The following DROSHA variants were observed in gnomAD, a reference collection of about 807,000 sequenced individuals.
DROSHA encodes drosha ribonuclease III, also known as ribonuclease 3.
A neutral mutation model predicts 181.9 loss-of-function variants in DROSHA; 56 were observed. The ratio of observed to expected loss-of-function variants is 0.31; its 90% CI spans 0.25 to 0.38. The LOEUF (loss-of-function observed/expected upper bound fraction) is 0.38, where lower values mean the gene tolerates loss of function less well. Among genes scored for constraint, DROSHA ranks in the 10% least tolerant of loss-of-function variants. The probability of loss-of-function intolerance (pLI) is 1.00; values close to 1 mark genes in which losing one functional copy is unlikely to be tolerated. For missense variants in DROSHA, 1,218 were observed against 1,743.5 expected (o/e 0.70, Z 5.37); for synonymous variants, 524 against 591.2 (o/e 0.89, Z 1.65).
Position 31,461,580 on chromosome 5 carries a change from C to T in DROSHA, c.2574+2656G>A, listed in dbSNP as rs74687720. Among the ~76,000 whole-genome samples the T allele has an allele frequency of 4.7e-3, 720 of 152,230 alleles. 7 individuals are homozygous for T. The highest frequency in any genetic ancestry group is 0.017 in the African/African-American group (688 of 41,546). ...TCAGTGGTTTATTTATTCCCACATT[C>T]ATAAAAACAGTTACCACTTCAAACA... On this transcript the variant is annotated intron_variant, in intron 20 of 35. Transcript: ENST00000344624.
chr5:31,526,151 T>G lies in DROSHA; in HGVS notation c.782A>C (p.Gln261Pro), dbSNP rs544823531. The change falls in exon 5 of 36, where the codon CAA (glutamine) becomes CCA (proline). Residue 261 changes from glutamine to proline, a missense_variant. Physicochemically the swap from Gln to Pro is moderately conservative, Grantham distance 76 (BLOSUM62 -1). Coordinates refer to ENST00000344624, the MANE Select transcript of DROSHA (RefSeq NM_001382508.1). The stretch of plus-strand genomic sequence containing the variant: ...ATAATCAGATCTGTACCGGCTGTCT[T>G]GTCTTCTCCTGTCGGGACTGCGGCC... ...ERGRSPDRRR[Q>P]DSRYRSDYDR... 1 of 1,613,856 alleles carries G rather than the reference T, an allele frequency of 6.2e-7. No homozygotes were observed. The highest frequency in any genetic ancestry group is 1.3e-5 in the African/African-American group (1 of 75,008).
intron 27 of DROSHA, 44 bp from the exon 28 acceptor site, chr5:31,424,515 A>G (rs995158342): frequency 7.7e-6 from 12 of 1,562,406 alleles, no homozygotes; most frequent in African/African-American, 1.4e-5. Flanking sequence ...GGAGCCATTT[A>G]ACGCACTCTA....
At chr5:31,473,578 G>T (rs1176826172) in intron 16 of DROSHA, among the ~76,000 whole-genome samples, 1 of 152,202 alleles carries the variant, frequency 6.6e-6, no homozygotes, top group African/African-American at 2.4e-5. Flanking sequence ...AGCTTCTACT[G>T]CAGTAGAAAG....
At chr5:31,515,299 C>T (rs1212283064) in intron 7 of DROSHA, 80 bp from the exon 8 acceptor site, 2 of 1,436,722 alleles carry the variant, frequency 1.4e-6, no homozygotes, top group Non-Finnish European at 1.9e-6. Flanking sequence ...CTATTTGGTG[C>T]ATTTTTCACC....
intron 23 of DROSHA, 122 bp from the exon 24 acceptor site, chr5:31,437,420 A>C: frequency 1.2e-6 from 1 of 834,612 alleles, no homozygotes; most frequent in South Asian, 1.8e-5. Context: ...CACCTTCCCT[A>C]TTCCTCATAA....
In DROSHA at chr5:31,526,306, T is replaced by G. The variant is rs758871789; in HGVS notation, c.627A>C (p.Pro209=). 2.2e-5 allele frequency: 36 copies of G among 1,613,590 alleles called. No individual in the cohort carries two copies. The highest frequency in any genetic ancestry group is 3.1e-5 in the Non-Finnish European group (36 of 1,179,842). ...SSSPHFRHLP[P]YPLPKAPSER... is the part of the protein sequence containing the mutation. ...CACTGGGAGCCTTTGGGAGTGGGTATGGAGGGAGATGTCTGAAATGAGGAC... is the reference window on the plus strand; with the variant it reads ...CACTGGGAGCCTTTGGGAGTGGGTAGGGAGGGAGATGTCTGAAATGAGGAC... Residue 209 remains proline, a synonymous_variant, in exon 5 of 36, where the codon CCA becomes CCC. Coordinates refer to ENST00000344624, the MANE Select transcript of DROSHA (RefSeq NM_001382508.1).
At chr5:31,528,481 C>T (rs956407405) in intron 4 of DROSHA, among the ~76,000 whole-genome samples, 1 of 152,048 alleles carries the variant, frequency 6.6e-6, no homozygotes, top group South Asian at 2.1e-4. Flanking sequence ...GACTTGTCCT[C>T]CCTCACCCCC....
At chr5:31,491,434 C>A (rs1405956969) in intron 13 of DROSHA, among the ~76,000 whole-genome samples, 1 of 152,142 alleles carries the variant, frequency 6.6e-6, no homozygotes, top group Non-Finnish European at 1.5e-5. Flanking sequence ...TAATTTTAAA[C>A]CCTGGTCTCT....
intron 25 of DROSHA, among the ~76,000 whole-genome samples, chr5:31,433,326 C>T (rs1421632096): frequency 6.6e-6 from 1 of 152,144 alleles, no homozygotes; most frequent in Non-Finnish European, 1.5e-5. Context: ...TCCCAAAGTG[C>T]AAGAGTTTAT....
chr5:31,525,057 G>A (rs1005553474), intron 5 of DROSHA, among the ~76,000 whole-genome samples: 4 of 151,786 alleles, frequency 2.6e-5, no homozygotes, highest in African/African-American at 4.8e-5. Flanking sequence ...TAGGCCAGGC[G>A]CAGTGGCTCA....
Position 31,504,648 on chromosome 5 carries a change from C to A in DROSHA, c.1588-13G>T. ...GTCCATCATTCATCTGTCAGAAACA[C>A]AATGTAATTCGTTTTTATTGGAGGG... is the stretch of plus-strand genomic sequence containing the variant. On this transcript the variant is annotated splice_polypyrimidine_tract_variant and intron_variant, in intron 10 of 35. Coordinates refer to ENST00000344624, the MANE Select transcript of DROSHA (RefSeq NM_001382508.1). 1.9e-6 allele frequency: 3 copies of A among 1,613,564 alleles called. No homozygotes were observed. The highest frequency in any genetic ancestry group is 2.5e-6 in the Non-Finnish European group (3 of 1,179,740).
intron 18 of DROSHA, 107 bp downstream of exon 18, chr5:31,467,832 G>T: frequency 7.1e-7 from 1 of 1,406,102 alleles, no homozygotes; most frequent in African/African-American, 1.4e-5. Context: ...GCTCATTTCA[G>T]GTCTTAATTT....
intron 8 of DROSHA, among the ~76,000 whole-genome samples, chr5:31,512,365 A>G (rs1399463993): frequency 6.6e-6 from 1 of 152,140 alleles, no homozygotes; most frequent in African/African-American, 2.4e-5. Context: ...ACTCATAACG[A>G]TGTAATAAAA....
intron 22 of DROSHA, among the ~76,000 whole-genome samples, chr5:31,448,921 TCAGGAGTTCAAGAC>T (rs1189474194): frequency 1.3e-5 from 2 of 152,064 alleles, no homozygotes; most frequent in African/African-American, 4.8e-5. Flanking sequence ...TCACTTGAGG[TCAGGAGTTCAAGAC>T]CAGCCTGGCC....
chr5:31,478,554 C>T (rs1416329412), intron 16 of DROSHA, among the ~76,000 whole-genome samples: 1 of 152,086 alleles, frequency 6.6e-6, no homozygotes, highest in African/African-American at 2.4e-5. Flanking sequence ...ACCAACATGG[C>T]AAACCCCTGT....
At chr5:31,525,390 G>A (rs1429388794) in intron 5 of DROSHA, among the ~76,000 whole-genome samples, 2 of 142,154 alleles carry the variant, frequency 1.4e-5, no homozygotes, top group Non-Finnish European at 3.0e-5. Context: ...TGTAATCCCA[G>A]CTACTTGGGA....
intron 5 of DROSHA, among the ~76,000 whole-genome samples, chr5:31,524,191 C>G (rs1230600880): frequency 1.3e-5 from 2 of 152,152 alleles, no homozygotes; most frequent in Non-Finnish European, 2.9e-5. Flanking sequence ...CAGGGAGAGG[C>G]AACAAAGCAT....
intron 22 of DROSHA, 145 bp downstream of exon 22, chr5:31,449,134 CAA>C (rs371567874): frequency 0.036 from 32,176 of 884,020 alleles, no homozygotes; most frequent in South Asian, 0.06. Flanking sequence ...GACCCTGTCT[CAA>C]AAAAAAAAAA....
chr5:31,491,764 T>G (rs1752454953), intron 13 of DROSHA, among the ~76,000 whole-genome samples: 1 of 151,982 alleles, frequency 6.6e-6, no homozygotes, highest in East Asian at 1.9e-4. Context: ...ATAAAGATTA[T>G]TTAAGAATGG....
Sources: gnomAD v4.1 joint callset for allele counts (sites outside exome capture counted in the v4.1 genomes callset) on GRCh38, gnomAD v4.1.1 for gene constraint, MANE v1.5 for transcripts, NCBI Gene and HGNC (gene_info 2026-07-23, HGNC 2026-07-21) for gene names.